CDH12: variants seen among roughly 807,000 people sequenced by gnomAD.
CDH12 encodes the protein cadherin-12.
Under a neutral mutation model 74.1 loss-of-function variants are expected in CDH12, and 41 were observed. The observed-to-expected ratio is 0.55, with a 90% confidence interval of 0.43 to 0.72. The LOEUF is 0.72. Ranked by LOEUF, CDH12 falls within the 30% of genes least tolerant of loss-of-function variation. The probability of loss-of-function intolerance (pLI) is 0.00; values close to 1 mark genes in which losing one functional copy is unlikely to be tolerated. For synonymous variants in CDH12, 399 were observed against 355.0 expected (o/e 1.12, Z -1.39); for missense variants, 945 against 977.2 (o/e 0.97, Z 0.44).
chr5:22,128,227 GA>G (rs938687817), intron 4 of CDH12, among the ~76,000 whole-genome samples: 1 of 151,998 alleles, frequency 6.6e-6, no homozygotes, highest in Non-Finnish European at 1.5e-5. Context: ...TTGCCAATTA[GA>G]AGAAGAAAAG....
intron 1 of CDH12, among the ~76,000 whole-genome samples, chr5:22,693,377 CG>C (rs1454478981): frequency 4.0e-5 from 6 of 151,868 alleles, no homozygotes; most frequent in African/African-American, 1.5e-4. Flanking sequence ...TGGGGACTGG[CG>C]GGGGTGTGGA....
intron 3 of CDH12, among the ~76,000 whole-genome samples, chr5:22,269,757 G>C (rs1181593433): frequency 6.6e-6 from 1 of 152,056 alleles, no homozygotes; most frequent in Non-Finnish European, 1.5e-5. Flanking sequence ...TGTATGGCAT[G>C]AATAATTTAT....
At chr5:22,427,282 C>A (rs1418852431) in intron 2 of CDH12, among the ~76,000 whole-genome samples, 2 of 152,164 alleles carry the variant, frequency 1.3e-5, no homozygotes. Flanking sequence ...ATTCTCCTGA[C>A]TCAGCCTCTC....
At chr5:22,209,752 TA>T (rs796845081) in intron 4 of CDH12, among the ~76,000 whole-genome samples, 1 of 152,034 alleles carries the variant, frequency 6.6e-6, no homozygotes, top group South Asian at 2.1e-4. Flanking sequence ...TTATTTTGTG[TA>T]AACAAGAGTT....
chr5:22,535,281 A>C (rs1242806541), intron 1 of CDH12, among the ~76,000 whole-genome samples: 2 of 150,892 alleles, frequency 1.3e-5, no homozygotes, highest in Non-Finnish European at 2.9e-5. Context: ...CAGCCTCCCG[A>C]GTAGCTGGGA....
intron 9 of CDH12, among the ~76,000 whole-genome samples, chr5:21,805,887 T>C (rs1226598922): frequency 6.6e-6 from 1 of 152,164 alleles, no homozygotes; most frequent in Non-Finnish European, 1.5e-5. Flanking sequence ...CTTTGTGGCA[T>C]GGCTTGGAGC....
At chr5:22,098,358 A>G (rs1415732373) in intron 4 of CDH12, among the ~76,000 whole-genome samples, 2 of 151,568 alleles carry the variant, frequency 1.3e-5, no homozygotes, top group African/African-American at 4.9e-5. Flanking sequence ...CAAAACAACA[A>G]CTCCTTTCCT....
chr5:22,587,707 C>T lies in CDH12; in HGVS notation c.-522-82343G>A, dbSNP rs1040819572. Among the ~76,000 whole-genome samples the T allele has an allele frequency of 3.3e-5, 5 of 152,050 alleles. No homozygotes were observed. The South Asian group carries it at 1.0e-3, about 31-fold the overall frequency. On this transcript the variant is annotated intron_variant, in intron 1 of 14. Coordinates refer to ENST00000382254, the MANE Select transcript of CDH12 (RefSeq NM_004061.5). ...AACAACTGTCCCTTTATTAAACTTACCAATAATCTGTTCCTCTTTACTAAC... is the reference window on the plus strand; with the variant it reads ...AACAACTGTCCCTTTATTAAACTTATCAATAATCTGTTCCTCTTTACTAAC...
At chr5:22,507,883 G>C (rs991183405) in intron 1 of CDH12, among the ~76,000 whole-genome samples, 1 of 152,236 alleles carries the variant, frequency 6.6e-6, no homozygotes, top group Admixed American at 6.5e-5. Context: ...TCCATTTCTC[G>C]CCTCTTCCAG....
chr5:22,764,192 T>A, intron 1 of CDH12, among the ~76,000 whole-genome samples: 1 of 151,868 alleles, frequency 6.6e-6, no homozygotes, highest in Non-Finnish European at 1.5e-5. Context: ...TTACCTCAGG[T>A]TTTTGCACTT....
At chr5:21,853,181 T>C (rs551186445) in intron 7 of CDH12, among the ~76,000 whole-genome samples, 1 of 151,654 alleles carries the variant, frequency 6.6e-6, no homozygotes, top group Admixed American at 6.6e-5. Flanking sequence ...TTGCTAAACA[T>C]TTTCTTATCT....
intron 4 of CDH12, among the ~76,000 whole-genome samples, chr5:22,210,792 C>A (rs1164773675): frequency 2.0e-5 from 3 of 151,234 alleles, no homozygotes; most frequent in South Asian, 2.1e-4. Context: ...GTGTGTGTCC[C>A]TGTTTGGTTA....
intron 3 of CDH12, among the ~76,000 whole-genome samples, chr5:22,286,857 GGT>G (rs1365448000): frequency 6.6e-6 from 1 of 152,044 alleles, no homozygotes; most frequent in Non-Finnish European, 1.5e-5. Flanking sequence ...TGTTGAATTT[GGT>G]AATACTGAGA....
At chr5:22,272,964 G>A (rs1736467220) in intron 3 of CDH12, among the ~76,000 whole-genome samples, 1 of 152,150 alleles carries the variant, frequency 6.6e-6, no homozygotes, top group Non-Finnish European at 1.5e-5. Context: ...GCAAGAGAGA[G>A]AAGTGCCAGC....
intron 2 of CDH12, among the ~76,000 whole-genome samples, chr5:22,480,018 C>T (rs937884314): frequency 6.6e-6 from 1 of 151,962 alleles, no homozygotes; most frequent in Non-Finnish European, 1.5e-5. Context: ...GTTAGGTAAC[C>T]CATTGTTTCT....
chr5:21,811,298 A>G (rs1747732192), intron 9 of CDH12, among the ~76,000 whole-genome samples: 2 of 152,114 alleles, frequency 1.3e-5, no homozygotes, highest in Admixed American at 1.3e-4. Flanking sequence ...GAACTGTTTG[A>G]AAAATTATAC....
chr5:22,488,442 A>T (rs1746698525), intron 2 of CDH12, among the ~76,000 whole-genome samples: 1 of 152,182 alleles, frequency 6.6e-6, no homozygotes. Context: ...TTTATTAACT[A>T]TGCCTTTTAT....
intron 5 of CDH12, among the ~76,000 whole-genome samples, chr5:21,982,774 C>A (rs1229104822): frequency 2.6e-5 from 4 of 152,004 alleles, no homozygotes; most frequent in Non-Finnish European, 5.9e-5. Flanking sequence ...AACTAATACT[C>A]TTTTTACACT....
intron 6 of CDH12, among the ~76,000 whole-genome samples, chr5:21,862,346 A>T (rs539626381): frequency 6.6e-6 from 1 of 152,266 alleles, no homozygotes; most frequent in South Asian, 2.1e-4. Context: ...AATTTTAAGA[A>T]TCATCTGGCA....
Sources: gnomAD v4.1 joint callset for allele counts (sites outside exome capture counted in the v4.1 genomes callset) on GRCh38, gnomAD v4.1.1 for gene constraint, MANE v1.5 for transcripts, NCBI Gene and HGNC (gene_info 2026-07-23, HGNC 2026-07-21) for gene names.